CLASP1: variants seen among roughly 807,000 people sequenced by gnomAD.
The protein encoded by CLASP1 is CLIP-associating protein 1.
In CLASP1, 38 loss-of-function variants were observed where a neutral mutation model predicts 192.3. That is an observed-to-expected ratio of 0.20 (90% CI 0.15 to 0.26). The LOEUF (loss-of-function observed/expected upper bound fraction) is 0.26. Among genes scored for constraint, CLASP1 ranks in the 10% least tolerant of loss-of-function variants. CLASP1 has a pLI of 1.00. For missense variants in CLASP1, 1,433 were observed against 1,932.5 expected (o/e 0.74, Z 4.85); for synonymous variants, 691 against 712.8 (o/e 0.97, Z 0.49).
At chr2:121,613,939 C>T (rs2066031210) in intron 1 of CLASP1, among the ~76,000 whole-genome samples, 1 of 152,194 alleles carries the variant, frequency 6.6e-6, no homozygotes, top group African/African-American at 2.4e-5. Context: ...AGTCATCTGG[C>T]ATTTTTACTG....
chr2:121,370,919 G>A (rs2068537583), intron 34 of CLASP1, among the ~76,000 whole-genome samples: 1 of 152,126 alleles, frequency 6.6e-6, no homozygotes, highest in Non-Finnish European at 1.5e-5. Context: ...ACAGGACACT[G>A]GGTGCCCATC....
chr2:121,518,322 A>G (rs140859590), intron 6 of CLASP1, among the ~76,000 whole-genome samples: 463 of 151,786 alleles, frequency 3.1e-3, no homozygotes, highest in Middle Eastern at 6.8e-3. Flanking sequence ...TAGTGTCCTC[A>G]TAAGAGAAGC....
intron 28 of CLASP1, among the ~76,000 whole-genome samples, chr2:121,399,279 TATA>T (rs995850972): frequency 6.6e-6 from 1 of 152,214 alleles, no homozygotes; most frequent in Non-Finnish European, 1.5e-5. Context: ...TTATCCTACA[TATA>T]ATTACTAATA....
intron 14 of CLASP1, 67 bp downstream of exon 14, chr2:121,457,620 G>A: frequency 8.2e-7 from 1 of 1,215,206 alleles, no homozygotes. Flanking sequence ...ATCCATGGAA[G>A]GAGATTTGGA....
chr2:121,404,680 C>A (rs1471930498), intron 25 of CLASP1, among the ~76,000 whole-genome samples: 2 of 152,086 alleles, frequency 1.3e-5, no homozygotes, highest in Non-Finnish European at 2.9e-5. Flanking sequence ...ATCTACATAA[C>A]AATGTTTTTT....
intron 34 of CLASP1, among the ~76,000 whole-genome samples, chr2:121,368,298 T>C (rs770739606): frequency 6.6e-6 from 1 of 152,192 alleles, no homozygotes; most frequent in Non-Finnish European, 1.5e-5. Flanking sequence ...TTGTACTATA[T>C]GTATTCCTGC....
At chr2:121,594,893 A>G (rs905160585) in intron 2 of CLASP1, among the ~76,000 whole-genome samples, 13 of 151,876 alleles carry the variant, frequency 8.6e-5, no homozygotes, top group Non-Finnish European at 1.6e-4. Context: ...CAGGTGAAAC[A>G]TACATGAAAA....
At chr2:121,395,557 C>G (rs962278179) in intron 30 of CLASP1, among the ~76,000 whole-genome samples, 1 of 152,176 alleles carries the variant, frequency 6.6e-6, no homozygotes, top group African/African-American at 2.4e-5. Context: ...TTTCACTGTT[C>G]CCAGACAAAT....
At chr2:121,340,731 A>G (rs2062685436) in exon 40 of CLASP1, 2 of 681,892 alleles carry the variant, frequency 2.9e-6, no homozygotes, top group Non-Finnish European at 5.1e-6. Flanking sequence ...GAAGGGACCA[A>G]AATACTGATT....
At chr2:121,478,187 T>C (rs998434943) in intron 8 of CLASP1, among the ~76,000 whole-genome samples, 2 of 152,182 alleles carry the variant, frequency 1.3e-5, no homozygotes, top group Non-Finnish European at 2.9e-5. Flanking sequence ...ATATACATCA[T>C]AGTTGTCATA....
chr2:121,588,399 G>C (rs1449834642), intron 2 of CLASP1, among the ~76,000 whole-genome samples: 1 of 151,996 alleles, frequency 6.6e-6, no homozygotes, highest in African/African-American at 2.4e-5. Context: ...CTAGTATTTT[G>C]GTAGAATTAC....
At chr2:121,626,993 A>G (rs2068498134) in intron 1 of CLASP1, among the ~76,000 whole-genome samples, 1 of 152,150 alleles carries the variant, frequency 6.6e-6, no homozygotes, top group Admixed American at 6.5e-5. Context: ...ATGAAGAGAA[A>G]GAACCATCAC....
intron 18 of CLASP1, among the ~76,000 whole-genome samples, chr2:121,447,721 A>G (rs2084630349): frequency 6.6e-6 from 1 of 152,200 alleles, no homozygotes; most frequent in South Asian, 2.1e-4. Context: ...GTAATGTATC[A>G]ATTACATTTG....
chr2:121,635,886 C>T (rs1352194508), intron 1 of CLASP1, among the ~76,000 whole-genome samples: 1 of 152,128 alleles, frequency 6.6e-6, no homozygotes, highest in Non-Finnish European at 1.5e-5. Flanking sequence ...AATTCAGTTA[C>T]CAGAATCTTA....
intron 2 of CLASP1, among the ~76,000 whole-genome samples, chr2:121,594,856 A>G (rs2062937211): frequency 6.6e-6 from 1 of 152,216 alleles, no homozygotes; most frequent in African/African-American, 2.4e-5. Flanking sequence ...AACAAGACAT[A>G]TGTGATAAAG....
chr2:121,374,188 A>G (rs565733367), intron 34 of CLASP1, among the ~76,000 whole-genome samples: 121 of 152,326 alleles, frequency 7.9e-4, no homozygotes, highest in Non-Finnish European at 1.4e-3. Context: ...AGCTCCAGCT[A>G]TGGCTAAAAG....
intron 2 of CLASP1, among the ~76,000 whole-genome samples, chr2:121,593,369 C>T (rs538859402): frequency 1.3e-5 from 2 of 152,188 alleles, no homozygotes; most frequent in East Asian, 1.9e-4. Flanking sequence ...CCTGTAATCC[C>T]AGCACTTAGG....
rs559624078 is a variant in CLASP1 at position 121,454,997 on chromosome 2, T to C, written c.1385+2690A>G. Among the ~76,000 whole-genome samples, 80 of 152,274 alleles carry C rather than the reference T, an allele frequency of 5.3e-4. 1 individual carries two copies. The highest frequency in any genetic ancestry group is 5.2e-3 in the South Asian group (25 of 4,824). The stretch of plus-strand genomic sequence containing the variant: ...AAACGAGTAAGTGGGAGAGGAATGT[T>C]TCAACTGATGCTGGTCAGGTTCTGA... On this transcript the variant is annotated intron_variant, in intron 14 of 39. Transcript: ENST00000263710.
intron 23 of CLASP1, among the ~76,000 whole-genome samples, chr2:121,417,040 C>T (rs1244343442): frequency 6.6e-6 from 1 of 152,228 alleles, no homozygotes; most frequent in Non-Finnish European, 1.5e-5. Flanking sequence ...CTGACCACAA[C>T]AGAAGACGTG....
Sources: allele counts gnomAD v4.1 joint callset (sites outside exome capture counted in the v4.1 genomes callset), GRCh38; gene constraint gnomAD v4.1.1; transcripts MANE v1.5; gene names NCBI Gene and HGNC (gene_info 2026-07-23, HGNC 2026-07-21).